MED13L: variants seen among roughly 807,000 people sequenced by gnomAD.
The protein encoded by MED13L is mediator of RNA polymerase II transcription subunit 13-like.
In MED13L, 7 loss-of-function variants were observed where a neutral mutation model predicts 220.9. The observed-to-expected ratio is 0.03, with a 90% CI of 0.02 to 0.06. MED13L has a LOEUF of 0.06. Among genes scored for constraint, MED13L ranks in the 10% least tolerant of loss-of-function variants. The pLI is 1.00. For synonymous variants in MED13L, 1,011 were observed against 1,015.2 expected, an observed-to-expected ratio of 1.00 and a Z score of 0.08; for missense variants, 1,965 against 2,760.5, an observed-to-expected ratio of 0.71 and a Z score of 6.46.
At chr12:116,031,421 C>G (rs1381704507) in intron 4 of MED13L, among the ~76,000 whole-genome samples, 1 of 151,230 alleles carries the variant, frequency 6.6e-6, no homozygotes, top group African/African-American at 2.4e-5. Context: ...TTACTAAAAA[C>G]ACAAACACAC....
chr12:116,239,257 T>A (rs1244333103), intron 1 of MED13L, among the ~76,000 whole-genome samples: 1 of 152,220 alleles, frequency 6.6e-6, no homozygotes, highest in Admixed American at 6.5e-5. Flanking sequence ...AAATTTTTAA[T>A]GAATATGTTT....
intron 2 of MED13L, among the ~76,000 whole-genome samples, chr12:116,122,054 T>C (rs553519379): frequency 1.1e-4 from 17 of 152,280 alleles, no homozygotes; most frequent in African/African-American, 3.8e-4. Context: ...CCCACTGCCT[T>C]TGTTTTCAAT....
At position 116,276,403 on chromosome 12, in the gene MED13L, A is replaced by C. The variant is rs760121309; in HGVS notation, c.72+657T>G. The C allele has an allele frequency of 3.1e-6, 4 of 1,281,580 alleles. No homozygotes were observed. The South Asian group carries it at 4.9e-5, about 16-fold the overall frequency. 79.4% of individuals were successfully genotyped at this position (1,281,580 alleles called of 1,614,324 possible). A position where few individuals can be genotyped will look rare whatever the true frequency, so the allele number is the denominator to read the frequency against. On this transcript the variant is annotated intron_variant, in intron 1 of 30. Transcript: ENST00000281928. ...AACAGTTTTTAAAAGACACAGGAGGAGAGAAAGAAGAAAAAGCTTTCTCCA... is the reference window on the plus strand; with the variant it reads ...AACAGTTTTTAAAAGACACAGGAGGCGAGAAAGAAGAAAAAGCTTTCTCCA...
chr12:116,019,137 TTC>T (rs1359419744), intron 7 of MED13L, 85 bp downstream of exon 7: 12 of 1,335,804 alleles, frequency 9.0e-6, no homozygotes, highest in African/African-American at 8.8e-5. Context: ...CAACAGGAAT[TTC>T]TGTTTTCTCA....
Position 116,028,025 on chromosome 12 carries a change from C to T in MED13L, c.480-5424G>A, listed in dbSNP as rs930452818. ...ATACAAAGTCCACCCTCCTTCATTT[C>T]ACAGATGAACCAATAGGGCTAAAAA... On this transcript the variant is annotated intron_variant, in intron 4 of 30. Transcript: ENST00000281928. 3.9e-5 allele frequency among the ~76,000 whole-genome samples: 6 copies of T among 152,180 alleles called. 1 individual carries two copies. Among genetic ancestry groups the T allele is most frequent in the Admixed American group, 3.3e-4 (5 of 15,270 alleles).
At chr12:116,096,825 A>G (rs1565875494) in intron 3 of MED13L, 73 bp from the exon 4 acceptor site, 3 of 1,040,008 alleles carry the variant, frequency 2.9e-6, no homozygotes, top group Non-Finnish European at 4.5e-6. Context: ...GCAATACACC[A>G]GATGAGATAT....
intron 2 of MED13L, among the ~76,000 whole-genome samples, chr12:116,137,180 T>A (rs1214205438): frequency 6.6e-6 from 1 of 152,122 alleles, no homozygotes; most frequent in Non-Finnish European, 1.5e-5. Flanking sequence ...CTGCTTGACA[T>A]TGTTCGCTAT....
At chr12:116,089,828 G>C (rs1255611164) in intron 4 of MED13L, among the ~76,000 whole-genome samples, 1 of 152,058 alleles carries the variant, frequency 6.6e-6, no homozygotes, top group Admixed American at 6.6e-5. Flanking sequence ...CATGAAAAAA[G>C]AATGGAAACA....
intron 1 of MED13L, among the ~76,000 whole-genome samples, chr12:116,257,326 G>A (rs1872146090): frequency 6.6e-6 from 1 of 152,140 alleles, no homozygotes; most frequent in African/African-American, 2.4e-5. Context: ...ACACTGCTGT[G>A]GATAACAACA....
At chr12:116,110,335 G>A (rs980698620) in intron 3 of MED13L, 3 of 150,368 alleles carry the variant, frequency 2.0e-5, no homozygotes, top group Admixed American at 6.6e-5. Context: ...ACAATCCATG[G>A]GTCCCAATTT....
chr12:115,962,975 C>T (rs988552558), intron 30 of MED13L, among the ~76,000 whole-genome samples: 14 of 152,208 alleles, frequency 9.2e-5, no homozygotes, highest in Non-Finnish European at 1.8e-4. Flanking sequence ...GAGCTGAGAT[C>T]ACGCCTCTGC....
At chr12:115,968,333 T>C (rs1406712271) in intron 28 of MED13L, among the ~76,000 whole-genome samples, 3 of 152,178 alleles carry the variant, frequency 2.0e-5, no homozygotes, top group African/African-American at 7.2e-5. Context: ...CCCTGAGATA[T>C]TTAAAGATGA....
chr12:116,034,109 A>G (rs1376351936), intron 4 of MED13L, among the ~76,000 whole-genome samples: 6 of 152,034 alleles, frequency 3.9e-5, no homozygotes, highest in Admixed American at 6.5e-5. Flanking sequence ...AATTACCTTT[A>G]AAGCCCCAGA....
At chr12:116,153,193 T>A (rs1032766170) in intron 2 of MED13L, among the ~76,000 whole-genome samples, 1 of 152,226 alleles carries the variant, frequency 6.6e-6, no homozygotes. Context: ...ACATTAGTGC[T>A]GGAAGGTGGA....
chr12:116,174,376 TAGAG>T (rs1879894061), intron 2 of MED13L: 1 of 151,994 alleles, frequency 6.6e-6, no homozygotes, highest in Non-Finnish European at 1.5e-5. Flanking sequence ...GAGTAATAGG[TAGAG>T]AGACACTGAT....
chr12:115,990,356 T>G (rs1171510713), intron 17 of MED13L, among the ~76,000 whole-genome samples: 2 of 152,204 alleles, frequency 1.3e-5, no homozygotes, highest in African/African-American at 2.4e-5. Context: ...GATGTCCACT[T>G]CCAGAATAGA....
chr12:116,068,102 C>T (rs1035434031), intron 4 of MED13L, among the ~76,000 whole-genome samples: 7 of 152,136 alleles, frequency 4.6e-5, no homozygotes, highest in African/African-American at 1.4e-4. Flanking sequence ...ATACAGGAAA[C>T]GCACCAACAA....
chr12:116,061,940 A>G (rs1239144266), intron 4 of MED13L, among the ~76,000 whole-genome samples: 1 of 148,486 alleles, frequency 6.7e-6, no homozygotes, highest in African/African-American at 2.5e-5. Context: ...CCCGGGAGGC[A>G]GAGCTTGCAG....
intron 8 of MED13L, among the ~76,000 whole-genome samples, chr12:116,013,966 A>G (rs1879575128): frequency 6.6e-6 from 1 of 152,242 alleles, no homozygotes; most frequent in Non-Finnish European, 1.5e-5. Flanking sequence ...GAAAAGAAAA[A>G]GAAAATGTTT....
Sources: allele counts gnomAD v4.1 joint callset (sites outside exome capture counted in the v4.1 genomes callset), GRCh38; gene constraint gnomAD v4.1.1; transcripts MANE v1.5; gene names NCBI Gene and HGNC (gene_info 2026-07-23, HGNC 2026-07-21).